Variants in CLASP2 observed in about 807,000 individuals in gnomAD.
CLASP2 encodes the protein cytoplasmic linker associated protein 2.
CLASP2 carries 47 observed loss-of-function variants against 194.4 expected under a neutral mutation model. The ratio of observed to expected loss-of-function variants is 0.24; its 90% CI spans 0.19 to 0.31. The LOEUF is 0.31. Ranked by LOEUF, CLASP2 falls within the 10% of genes least tolerant of loss-of-function variation. CLASP2 has a pLI of 1.00. For synonymous variants in CLASP2, 619 were observed against 633.5 expected, an observed-to-expected ratio of 0.98 and a Z score of 0.34; for missense variants, 1,445 against 1,823.6, an observed-to-expected ratio of 0.79 and a Z score of 3.78.
intron 21 of CLASP2, among the ~76,000 whole-genome samples, chr3:33,588,003 T>C (rs1482494507): frequency 6.6e-6 from 1 of 152,232 alleles, no homozygotes; most frequent in Admixed American, 6.5e-5. Flanking sequence ...GATAGGAAAC[T>C]TGTAGTTCAG....
At chr3:33,627,576 T>C (rs140163354) in intron 9 of CLASP2, among the ~76,000 whole-genome samples, 35 of 152,262 alleles carry the variant, frequency 2.3e-4, no homozygotes, top group African/African-American at 7.7e-4. Flanking sequence ...TATTCTTTCA[T>C]TCATTTAACA....
chr3:33,690,053 T>TA, intron 2 of CLASP2, 121 bp from the exon 3 acceptor site: 1 of 577,308 alleles, frequency 1.7e-6, no homozygotes, highest in South Asian at 3.6e-5. Flanking sequence ...GGTAAAGAAA[T>TA]TGTTTTAAGT....
rs2065074687 is a variant in CLASP2, at chr3:33,577,174, T to A, written c.2348-899A>T. 2.6e-6 allele frequency: 4 copies of A among 1,521,802 alleles called. No homozygotes were observed. In the Admixed American group the frequency reaches 5.2e-5, roughly 20 times the overall value. 94.3% of individuals were successfully genotyped at this position (1,521,802 alleles called of 1,614,324 possible). On this transcript the variant is annotated intron_variant, in intron 23 of 38. Coordinates refer to ENST00000682230, the MANE Select transcript of CLASP2 (RefSeq NM_001365631.1). ...GATAAAATCTGAGATGAATGCCAGA[T>A]GATAGTGAAAATGTACTCATCCTTC...
rs1282869184 is a variant in CLASP2 at position 33,711,543 on chromosome 3, A to C, written c.195+6265T>G. ...CCAAAGTGCTGGGATTACAGGTGTG[A>C]GCCACCATGCTCAGCGCAGTATAGC... On this transcript the variant is annotated intron_variant, in intron 1 of 38. Transcript: ENST00000682230. Among the ~76,000 whole-genome samples the C allele has an allele frequency of 6.6e-5, 10 of 151,786 alleles. No homozygotes were observed. In the East Asian group the frequency reaches 1.9e-3, roughly 29 times the overall value.
intron 12 of CLASP2, among the ~76,000 whole-genome samples, chr3:33,613,213 C>T (rs2075513969): frequency 6.6e-6 from 1 of 152,118 alleles, no homozygotes. Flanking sequence ...ATGAAGGAAG[C>T]AGGAGTGGAG....
intron 25 of CLASP2, among the ~76,000 whole-genome samples, chr3:33,571,656 A>C (rs2063799498): frequency 6.6e-6 from 1 of 151,760 alleles, no homozygotes; most frequent in Admixed American, 6.6e-5. Context: ...AACCAAAAAA[A>C]CAAAAACAAA....
chr3:33,584,860 C>T lies in CLASP2; in HGVS notation c.2129G>A (p.Ser710Asn), dbSNP rs1382903949. The change falls in exon 22 of 39, where the codon AGC becomes AAC. Residue 710 changes from serine (S) to asparagine (N), a missense_variant. This residue lies in a region of CLASP2 where 732 missense variants were observed against 987.9 expected (regional missense o/e 0.74). Coordinates refer to ENST00000682230, the MANE Select transcript of CLASP2 (RefSeq NM_001365631.1). ...VLTTTALSTV[S>N]SGVQRVLVNS... ...GACCAGGACTCTTTGAACACCAGAG[C>T]TCACAGTGGACAGGGCTGTTGTGGT... 3 of 1,613,902 alleles carry T rather than the reference C, an allele frequency of 1.9e-6. No homozygotes were observed. The highest frequency in any genetic ancestry group is 2.5e-6 in the Non-Finnish European group (3 of 1,179,874).
Position 33,627,097 on chromosome 3 carries a change from A to T in CLASP2, c.943-17T>A. 2 of 1,368,734 alleles carry T rather than the reference A, an allele frequency of 1.5e-6. No individual in the cohort carries two copies. 84.8% of individuals were successfully genotyped at this position (1,368,734 alleles called of 1,614,324 possible). On this transcript the variant is annotated splice_polypyrimidine_tract_variant and intron_variant, in intron 9 of 38. Coordinates refer to ENST00000682230, the MANE Select transcript of CLASP2 (RefSeq NM_001365631.1). ...AGAATAAATCTTAAAAAAAAGATTC[A>T]GAATTATAACAATGTTTCTTGCCAT...
rs1477601867 is a variant in CLASP2, at chr3:33,498,440, T to C, written c.*191A>G. The C allele has an allele frequency of 8.9e-6, 4 of 449,330 alleles. No homozygotes were observed. The East Asian group carries it at 1.3e-4, about 15-fold the overall frequency. The allele number at this position is 449,330 out of a possible 1,614,324, so 27.8% of individuals were successfully genotyped here. On this transcript the variant is annotated 3_prime_UTR_variant, in exon 39 of 39. Coordinates refer to ENST00000682230, the MANE Select transcript of CLASP2 (RefSeq NM_001365631.1). ...TGCTTCTTCTTGAATTTGGAATAAC[T>C]ATCATAAAAGTTACATGCAGACTGA...
chr3:33,674,674 T>G (rs552498414), intron 6 of CLASP2, among the ~76,000 whole-genome samples: 3 of 151,928 alleles, frequency 2.0e-5, no homozygotes, highest in Non-Finnish European at 4.4e-5. Context: ...ATTAACAAAA[T>G]TGATAAGACT....
chr3:33,555,846 A>G (rs2060831618), intron 29 of CLASP2, among the ~76,000 whole-genome samples: 1 of 152,232 alleles, frequency 6.6e-6, no homozygotes, highest in Admixed American at 6.5e-5. Context: ...TTAGCAATTT[A>G]TCGTCATGCA....
chr3:33,536,210 C>G (rs983969997), intron 33 of CLASP2, among the ~76,000 whole-genome samples: 1 of 149,822 alleles, frequency 6.7e-6, no homozygotes, highest in East Asian at 1.9e-4. Flanking sequence ...AAAGAGAGAA[C>G]GATGCCTACC....
intron 1 of CLASP2, 141 bp downstream of exon 1, chr3:33,717,667 C>T: frequency 1.1e-6 from 1 of 886,992 alleles, no homozygotes; most frequent in Non-Finnish European, 1.7e-6. Context: ...CCTCGTGATC[C>T]GCCCGCCTGT....
intron 16 of CLASP2, among the ~76,000 whole-genome samples, chr3:33,604,610 C>T (rs768114732): frequency 2.0e-5 from 3 of 152,144 alleles, no homozygotes; most frequent in Admixed American, 6.5e-5. Flanking sequence ...TGTGAGCCAC[C>T]GTGCCTAGCT....
chr3:33,670,876 G>T (rs1269547592), intron 6 of CLASP2, among the ~76,000 whole-genome samples: 1 of 152,264 alleles, frequency 6.6e-6, no homozygotes, highest in East Asian at 1.9e-4. Flanking sequence ...GTTTCCAGCA[G>T]GGAGAACCGA....
At chr3:33,585,274 A>G (rs1324096017) in intron 21 of CLASP2, among the ~76,000 whole-genome samples, 1 of 152,220 alleles carries the variant, frequency 6.6e-6, no homozygotes, top group Admixed American at 6.5e-5. Flanking sequence ...TATGGCTATC[A>G]TGTTCTACGT....
chr3:33,521,449 A>C (rs1459492075), intron 34 of CLASP2, among the ~76,000 whole-genome samples: 2 of 152,210 alleles, frequency 1.3e-5, no homozygotes, highest in African/African-American at 4.8e-5. Flanking sequence ...CAATGAAAAG[A>C]ATGCACCATC....
intron 12 of CLASP2, among the ~76,000 whole-genome samples, chr3:33,615,735 C>A (rs1424412503): frequency 6.6e-6 from 1 of 151,970 alleles, no homozygotes; most frequent in Non-Finnish European, 1.5e-5. Flanking sequence ...TCAAGACATT[C>A]ACTAAAGAAT....
chr3:33,544,251 T>C (rs1367994774), intron 31 of CLASP2, among the ~76,000 whole-genome samples: 1 of 152,222 alleles, frequency 6.6e-6, no homozygotes, highest in East Asian at 1.9e-4. Context: ...CATCCAAGTA[T>C]AAATGGACTG....
Sources: allele counts gnomAD v4.1 joint callset (sites outside exome capture counted in the v4.1 genomes callset), GRCh38; gene constraint gnomAD v4.1.1; regional missense constraint gnomAD v4.1.1; transcripts MANE v1.5; gene names NCBI Gene and HGNC (gene_info 2026-07-23, HGNC 2026-07-21).